KAZN: variants seen among roughly 807,000 people sequenced by gnomAD.
KAZN encodes kazrin, periplakin interacting protein, also known as kazrin.
In KAZN, 40 loss-of-function variants were observed where a neutral mutation model predicts 87.4. That is an observed-to-expected ratio of 0.46 (90% CI 0.36 to 0.60). KAZN has a LOEUF of 0.60. Among genes scored for constraint, KAZN ranks in the 20% least tolerant of loss-of-function variants. The pLI is 0.00. For synonymous variants in KAZN, 466 were observed against 458.3 expected (o/e 1.02, Z -0.22); for missense variants, 898 against 1,073.9 (o/e 0.84, Z 2.29).
At chr1:14,360,840 G>T (rs1401734775) in intron 2 of KAZN, among the ~76,000 whole-genome samples, 1 of 152,296 alleles carries the variant, frequency 6.6e-6, no homozygotes, top group East Asian at 1.9e-4. Context: ...CCTGCCAGAT[G>T]CCACCTGGAG....
At chr1:14,585,774 C>T (rs1013934563) in intron 2 of KAZN, among the ~76,000 whole-genome samples, 4 of 152,230 alleles carry the variant, frequency 2.6e-5, no homozygotes, top group South Asian at 4.1e-4. Context: ...GAGAGGGTGC[C>T]GAAAGATTCC....
chr1:15,110,279 ATGTT>A lies in KAZN; in HGVS notation c.2049-2144_2049-2141del, dbSNP rs536520743. 1.9e-4 allele frequency among the ~76,000 whole-genome samples: 28 copies of A among 144,760 alleles called. 1 individual carries two copies. In the South Asian group the frequency reaches 2.9e-3, roughly 15 times the overall value. The allele number at this position is 144,760 out of a possible 152,430, so 95.0% of individuals were successfully genotyped here. ...TGCACTTGTGTGTGTATATGTGTGT[ATGTT>A]TGTGTGTGTGTATATGTATGTGTGT... is the stretch of plus-strand genomic sequence containing the variant. On this transcript the variant is annotated intron_variant, in intron 13 of 14. Transcript: ENST00000376030.
chr1:14,099,327 G>C (rs1644198286), intron 1 of KAZN, among the ~76,000 whole-genome samples: 1 of 152,052 alleles, frequency 6.6e-6, no homozygotes, highest in Admixed American at 6.5e-5. Context: ...ATTTTTCTAA[G>C]AGATGGCTTA....
intron 2 of KAZN, among the ~76,000 whole-genome samples, chr1:14,419,938 C>G (rs551616410): frequency 6.6e-6 from 1 of 152,282 alleles, no homozygotes; most frequent in South Asian, 2.1e-4. Context: ...AAGAACAAAA[C>G]TTCCACAAGG....
rs557223550 is a variant in KAZN, at chr1:14,428,295, C to T, written c.250-170688C>T. On this transcript the variant is annotated intron_variant, in intron 2 of 16. Transcript: ENST00000636203. The stretch of plus-strand genomic sequence containing the variant: ...TCAATCAAGGGAGTACATATGGTGA[C>T]CTGGATGATTATAGGCATTCTGTAG... 5.3e-5 allele frequency among the ~76,000 whole-genome samples: 8 copies of T among 152,188 alleles called. No individual in the cohort carries two copies. The South Asian group carries it at 1.7e-3, about 32-fold the overall frequency.
intron 2 of KAZN, among the ~76,000 whole-genome samples, chr1:14,326,636 C>A (rs1303260678): frequency 1.3e-5 from 2 of 152,168 alleles, no homozygotes; most frequent in Admixed American, 6.5e-5. Flanking sequence ...CTCATGCTCC[C>A]CTGGTACCTC....
Position 14,599,353 on chromosome 1 carries a change from C to A in KAZN, c.226+130C>A. 9.9e-7 allele frequency: 1 copy of A among 1,014,262 alleles called. No individual in the cohort carries two copies. Among genetic ancestry groups the A allele is most frequent in the Non-Finnish European group, 1.3e-6 (1 of 793,246 alleles). 62.8% of individuals were successfully genotyped at this position (1,014,262 alleles called of 1,614,324 possible). On this transcript the variant is annotated intron_variant, in intron 1 of 14. Transcript: ENST00000376030. The surrounding 1 kb of genome is among the most constrained non-coding windows in gnomAD (Gnocchi z 4.4). ...TTGCATTCTGGCTTGTAACCCTTTCCGCCCGGCGGTGGCCACCGCTGCTCT... is the reference window on the plus strand; with the variant it reads ...TTGCATTCTGGCTTGTAACCCTTTCAGCCCGGCGGTGGCCACCGCTGCTCT...
chr1:14,210,705 A>G (rs1334778092), intron 2 of KAZN, among the ~76,000 whole-genome samples: 1 of 152,168 alleles, frequency 6.6e-6, no homozygotes, highest in East Asian at 1.9e-4. Flanking sequence ...TGAAATGTTT[A>G]TTTATTTTAA....
At position 14,372,328 on chromosome 1, in the gene KAZN, A is replaced by G. The variant is rs112521438; in HGVS notation, c.249+191736A>G. ...AAGAATGCTGACTTGTGTTAAGTAT[A>G]TTTTCTTGGACTTTGAGTCATTGGA... On this transcript the variant is annotated intron_variant, in intron 2 of 16. Coordinates refer to the KAZN transcript ENST00000636203. 9.3e-3 allele frequency among the ~76,000 whole-genome samples: 1,419 copies of G among 152,226 alleles called. 9 individuals carry two copies. The highest frequency in any genetic ancestry group is 0.033 in the African/African-American group (1,362 of 41,526).
chr1:13,960,880 G>A (rs1641725583), intron 1 of KAZN, among the ~76,000 whole-genome samples: 1 of 152,166 alleles, frequency 6.6e-6, no homozygotes, highest in Non-Finnish European at 1.5e-5. Flanking sequence ...AGGACAGGGG[G>A]CTGTGTGGCT....
intron 1 of KAZN, among the ~76,000 whole-genome samples, chr1:14,802,455 G>A (rs187537487): frequency 2.9e-3 from 442 of 151,938 alleles, no homozygotes; most frequent in Non-Finnish European, 5.1e-3. Context: ...GGGGACACTG[G>A]GCAATACCTG....
At position 14,109,823 on chromosome 1, in the gene KAZN, G is replaced by GCCCAGGC. The variant is rs1298530608; in HGVS notation, c.92-70612_92-70611insCCCAGGC. Among the ~76,000 whole-genome samples, 38 of 80,754 alleles carry GCCCAGGC rather than the reference G, an allele frequency of 4.7e-4. No individual in the cohort carries two copies. The East Asian group carries it at 5.3e-3, about 11-fold the overall frequency. 53.0% of individuals were successfully genotyped at this position (80,754 alleles called of 152,430 possible). A position where few individuals can be genotyped will look rare whatever the true frequency, so the allele number is the denominator to read the frequency against. On this transcript the variant is annotated intron_variant, in intron 1 of 16. Transcript: ENST00000636203. ...CATTCCTTATCAAAACGATTTCAGC[G>GCCCAGGC]TCAAGTAGGAGCTGTACTAAAAATT...
chr1:14,249,643 T>C (rs1443085881), intron 2 of KAZN, among the ~76,000 whole-genome samples: 13 of 152,186 alleles, frequency 8.5e-5, no homozygotes, highest in Non-Finnish European at 1.5e-5. Context: ...GGGAGTCTCT[T>C]TACGATCATT....
chr1:14,129,770 TGAGTGAGC>T (rs968194200), intron 1 of KAZN, among the ~76,000 whole-genome samples: 3 of 151,410 alleles, frequency 2.0e-5, no homozygotes, highest in Non-Finnish European at 4.4e-5. Context: ...GAGAGAAGAG[TGAGTGAGC>T]GAGTGAGCGA....
At chr1:14,281,337 T>G (rs940110950) in intron 2 of KAZN, among the ~76,000 whole-genome samples, 1 of 152,178 alleles carries the variant, frequency 6.6e-6, no homozygotes, top group African/African-American at 2.4e-5. Context: ...GCAATTTCAG[T>G]AATTACTTCT....
intron 2 of KAZN, among the ~76,000 whole-genome samples, chr1:14,455,152 G>A (rs964113443): frequency 1.3e-5 from 2 of 152,190 alleles, no homozygotes; most frequent in Non-Finnish European, 2.9e-5. Context: ...ATGTGGGAGG[G>A]AGCTGCATAA....
intron 2 of KAZN, among the ~76,000 whole-genome samples, chr1:14,407,760 C>CT (rs200360209): frequency 6.6e-5 from 10 of 150,800 alleles, no homozygotes; most frequent in Middle Eastern, 3.4e-3. Flanking sequence ...AAAACCATGT[C>CT]TTTTTTTTTA....
Position 15,029,639 on chromosome 1 carries a change from G to A in KAZN, c.419-5110G>A, listed in dbSNP as rs188573135. Among the ~76,000 whole-genome samples the A allele has an allele frequency of 1.0e-3, 152 of 152,326 alleles. 1 individual carries two copies. The highest frequency in any genetic ancestry group is 3.5e-3 in the African/African-American group (147 of 41,578). ...TTTGTGAGAGGAAAGGCCTGGGAAT[G>A]CCATGTTGAGGTGCTGGGGGGGTTC... On this transcript the variant is annotated intron_variant, in intron 2 of 14. Transcript: ENST00000376030.
intron 1 of KAZN, among the ~76,000 whole-genome samples, chr1:14,853,485 G>A (rs182833676): frequency 1.0e-3 from 152 of 152,268 alleles, no homozygotes; most frequent in African/African-American, 3.5e-3. Flanking sequence ...GGCATCTGAG[G>A]CACAGCTTAC....
Sources: gnomAD v4.1 joint callset for allele counts (sites outside exome capture counted in the v4.1 genomes callset) on GRCh38, gnomAD v4.1.1 for gene constraint, Gnocchi (gnomAD v3.1) non-coding constraint, MANE v1.5 for transcripts, NCBI Gene and HGNC (gene_info 2026-07-23, HGNC 2026-07-21) for gene names.